Variants in JMJD1C observed in about 807,000 individuals in gnomAD.
JMJD1C encodes jumonji domain containing 1C.
Under a neutral mutation model 245.3 loss-of-function variants are expected in JMJD1C, and 31 were observed. The ratio of observed to expected loss-of-function variants is 0.13; its 90% CI spans 0.09 to 0.17. The LOEUF is 0.17. Ranked by LOEUF, JMJD1C falls within the 10% of genes least tolerant of loss-of-function variation. The probability of loss-of-function intolerance (pLI) is 1.00; values close to 1 mark genes in which losing one functional copy is unlikely to be tolerated. For synonymous variants in JMJD1C, 1,057 were observed against 1,017.4 expected, an observed-to-expected ratio of 1.04 and a Z score of -0.74; for missense variants, 2,691 against 3,000.2, an observed-to-expected ratio of 0.90 and a Z score of 2.41.
chr10:63,301,660 G>C, intron 2 of JMJD1C: 1 of 391,552 alleles, frequency 2.6e-6, no homozygotes. Flanking sequence ...GGCCTGTCCG[G>C]GGCCTGACAA....
At position 63,206,041 on chromosome 10, in the gene JMJD1C, G is replaced by A. The variant is rs1299167566; in HGVS notation, c.5074+554C>T. On this transcript the variant is annotated intron_variant, in intron 10 of 25. Transcript: ENST00000399262. Reference sequence around the variant, plus strand: ...GTTATGCAGCACATGACTGTACTATGCTATTTTATATAAGGGATGTGCACA... The same window carrying A: ...GTTATGCAGCACATGACTGTACTATACTATTTTATATAAGGGATGTGCACA... Among the ~76,000 whole-genome samples the A allele has an allele frequency of 3.9e-5, 6 of 152,120 alleles. No homozygotes were observed. The East Asian group carries it at 9.6e-4, about 24-fold the overall frequency.
chr10:63,312,916 G>T (rs900034431), intron 2 of JMJD1C, among the ~76,000 whole-genome samples: 2 of 152,140 alleles, frequency 1.3e-5, no homozygotes, highest in Admixed American at 6.5e-5. Context: ...TAAACTAGAA[G>T]CACACTTTTA....
At chr10:63,505,431 G>T (rs541275591) in intron 1 of JMJD1C, among the ~76,000 whole-genome samples, 1 of 151,992 alleles carries the variant, frequency 6.6e-6, no homozygotes, top group African/African-American at 2.4e-5. Context: ...GGAATTTCAC[G>T]GTAAGATGAT....
intron 1 of JMJD1C, among the ~76,000 whole-genome samples, chr10:63,385,146 G>C (rs1948804735): frequency 6.6e-6 from 1 of 152,156 alleles, no homozygotes; most frequent in South Asian, 2.1e-4. Context: ...GGAGCAGTCA[G>C]AACACACATA....
At chr10:63,416,199 G>A (rs540122488) in intron 1 of JMJD1C, among the ~76,000 whole-genome samples, 2 of 152,212 alleles carry the variant, frequency 1.3e-5, no homozygotes, top group South Asian at 4.1e-4. Context: ...TTATAACAGT[G>A]TTTAAATTGT....
At chr10:63,331,449 C>A (rs1942135139) in intron 2 of JMJD1C, among the ~76,000 whole-genome samples, 1 of 152,154 alleles carries the variant, frequency 6.6e-6, no homozygotes, top group Non-Finnish European at 1.5e-5. Context: ...TTTGCTTGCC[C>A]TATTTTTTTC....
At position 63,186,267 on chromosome 10, in the gene JMJD1C, G is replaced by A. The variant is rs1283081266; in HGVS notation, c.6687C>T (p.Ile2229=). Residue 2229 remains isoleucine (I), a synonymous_variant, in exon 19 of 26, where the codon ATC becomes ATT. Transcript: ENST00000399262. ...QADLLNCKDS[I]ISNANVKEFW... is the part of the protein sequence containing the mutation. Reference sequence around the variant, plus strand: ...ATTCCTTAACATTGGCATTTGAAATGATGCTATCTTTGCAGTTCAGGAGAT... The same window carrying A: ...ATTCCTTAACATTGGCATTTGAAATAATGCTATCTTTGCAGTTCAGGAGAT... 6.2e-7 allele frequency: 1 copy of A among 1,612,658 alleles called. No homozygotes were observed. The highest frequency in any genetic ancestry group is 2.2e-5 in the East Asian group (1 of 44,844).
Position 63,204,284 on chromosome 10 carries a change from A to G in JMJD1C, c.5074+2311T>C, listed in dbSNP as rs550046280. ...AACAGCCTCTCTAAAGCTACATGCT[A>G]GTTACCAAGCAGGGGAGATTTGACT... On this transcript the variant is annotated intron_variant, in intron 10 of 25. Transcript: ENST00000399262. 3.0e-5 allele frequency: 30 copies of G among 985,416 alleles called. No individual in the cohort carries two copies. The South Asian group carries it at 3.8e-4, about 12-fold the overall frequency. 61.0% of individuals were successfully genotyped at this position (985,416 alleles called of 1,614,324 possible). A position where few individuals can be genotyped will look rare whatever the true frequency, so the allele number is the denominator to read the frequency against.
At chr10:63,249,974 A>T (rs1342630236) in intron 3 of JMJD1C, among the ~76,000 whole-genome samples, 1 of 151,932 alleles carries the variant, frequency 6.6e-6, no homozygotes, top group Non-Finnish European at 1.5e-5. Flanking sequence ...TATCACATGT[A>T]CCCCCCAATA....
intron 2 of JMJD1C, among the ~76,000 whole-genome samples, chr10:63,370,157 T>C (rs4746119): frequency 0.14 from 21,405 of 152,216 alleles, 2,209 homozygotes; most frequent in East Asian, 0.35. Flanking sequence ...TAAACATCTC[T>C]TCCCCTGGCT....
chr10:63,495,901 A>C (rs528317534), intron 1 of JMJD1C, among the ~76,000 whole-genome samples: 1 of 151,746 alleles, frequency 6.6e-6, no homozygotes, highest in African/African-American at 2.4e-5. Flanking sequence ...ATTAAAGAAG[A>C]AATTATATTT....
rs1852666163 is a variant in JMJD1C at position 63,248,951 on chromosome 10, C to T, written c.447+15700G>A. On this transcript the variant is annotated intron_variant, in intron 3 of 25. Transcript: ENST00000399262. ...ACATGGATGGAAGTGGAGGTTATTACGTTAAATGAAATAAGCGAAGGACAG... is the reference window on the plus strand; with the variant it reads ...ACATGGATGGAAGTGGAGGTTATTATGTTAAATGAAATAAGCGAAGGACAG... Among the ~76,000 whole-genome samples, 6 of 152,142 alleles carry T rather than the reference C, an allele frequency of 3.9e-5. No individual in the cohort carries two copies. The South Asian group carries it at 1.2e-3, about 31-fold the overall frequency.
At position 63,255,010 on chromosome 10, in the gene JMJD1C, T is replaced by C. The variant is rs375582366; in HGVS notation, c.447+9641A>G. Among the ~76,000 whole-genome samples, 16 of 152,184 alleles carry C rather than the reference T, an allele frequency of 1.1e-4. No individual in the cohort carries two copies. In the East Asian group the frequency reaches 2.7e-3, roughly 26 times the overall value. ...CTGGGACTATACACGTGCACCACCATGCCCTGCTAATTTTATTTTTTTGTA... is the reference window on the plus strand; with the variant it reads ...CTGGGACTATACACGTGCACCACCACGCCCTGCTAATTTTATTTTTTTGTA... On this transcript the variant is annotated intron_variant, in intron 3 of 25. Transcript: ENST00000399262.
intron 2 of JMJD1C, among the ~76,000 whole-genome samples, chr10:63,374,346 T>C (rs1326963740): frequency 6.6e-6 from 1 of 152,186 alleles, no homozygotes; most frequent in Non-Finnish European, 1.5e-5. Flanking sequence ...AAGAGTAACA[T>C]TCAATGCTGC....
intron 1 of JMJD1C, among the ~76,000 whole-genome samples, chr10:63,380,757 A>G (rs1947150175): frequency 6.6e-6 from 1 of 152,238 alleles, no homozygotes; most frequent in Non-Finnish European, 1.5e-5. Flanking sequence ...ATCGAACACT[A>G]GCACTTACTC....
chr10:63,499,246 G>A (rs1954460802), intron 1 of JMJD1C, among the ~76,000 whole-genome samples: 1 of 152,188 alleles, frequency 6.6e-6, no homozygotes, highest in African/African-American at 2.4e-5. Flanking sequence ...AAGCAGGATT[G>A]CTGGATCATA....
chr10:63,505,439 G>A (rs1247189035), intron 1 of JMJD1C, among the ~76,000 whole-genome samples: 1 of 152,040 alleles, frequency 6.6e-6, no homozygotes, highest in East Asian at 1.9e-4. Flanking sequence ...ACGGTAAGAT[G>A]ATTGAAAATT....
chr10:63,428,848 T>G (rs1345464954), intron 1 of JMJD1C, among the ~76,000 whole-genome samples: 2 of 152,202 alleles, frequency 1.3e-5, no homozygotes, highest in Non-Finnish European at 2.9e-5. Flanking sequence ...TATCTAAGTC[T>G]CAGAATCTAA....
At chr10:63,456,949 A>C (rs941457638) in intron 1 of JMJD1C, among the ~76,000 whole-genome samples, 2 of 152,144 alleles carry the variant, frequency 1.3e-5, no homozygotes, top group Non-Finnish European at 2.9e-5. Context: ...ACTTCTCAAA[A>C]TACTACTAAG....
Sources: gnomAD v4.1 joint callset for allele counts (sites outside exome capture counted in the v4.1 genomes callset) on GRCh38, gnomAD v4.1.1 for gene constraint, MANE v1.5 for transcripts, NCBI Gene and HGNC (gene_info 2026-07-23, HGNC 2026-07-21) for gene names.